ENTREP2: variants seen among roughly 807,000 people sequenced by gnomAD.
ENTREP2 encodes the protein endosomal transmembrane epsin interactor 2.
At chr15:29,245,033 A>C in the ENTREP2 span, among the ~76,000 whole-genome samples, 1 of 152,246 alleles carries the variant, frequency 6.6e-6, no homozygotes, top group Non-Finnish European at 1.5e-5. Flanking sequence ...AGATGTACAG[A>C]TACTGGAAAG....
the ENTREP2 span, among the ~76,000 whole-genome samples, chr15:29,271,643 C>G: frequency 6.6e-6 from 1 of 152,038 alleles, no homozygotes; most frequent in Admixed American, 6.6e-5. Context: ...CTCTGACCAC[C>G]GGTGCATGTA....
At chr15:29,600,632 T>G in the ENTREP2 span, among the ~76,000 whole-genome samples, 1 of 152,154 alleles carries the variant, frequency 6.6e-6, no homozygotes, top group Non-Finnish European at 1.5e-5. Flanking sequence ...TTGTATGACC[T>G]ATAATTTATT....
At chr15:29,644,408 C>T in the ENTREP2 span, among the ~76,000 whole-genome samples, 1 of 152,228 alleles carries the variant, frequency 6.6e-6, no homozygotes, top group East Asian at 1.9e-4. Context: ...GGCAGATTGC[C>T]AGTATATAAA....
the ENTREP2 span, among the ~76,000 whole-genome samples, chr15:29,336,464 C>T: frequency 6.6e-6 from 1 of 151,940 alleles, no homozygotes; most frequent in African/African-American, 2.4e-5. Context: ...GCACACACCA[C>T]CACATTCAGC....
At chr15:29,357,361 A>G in the ENTREP2 span, among the ~76,000 whole-genome samples, 3 of 152,230 alleles carry the variant, frequency 2.0e-5, no homozygotes, top group African/African-American at 4.8e-5. Flanking sequence ...AAAGATAACC[A>G]TAAGAAAAAT....
chr15:29,368,597 C>A, the ENTREP2 span, among the ~76,000 whole-genome samples: 1 of 151,948 alleles, frequency 6.6e-6, no homozygotes, highest in Non-Finnish European at 1.5e-5. Flanking sequence ...TAGGGCTGGG[C>A]ATGGTTGCTC....
the ENTREP2 span, among the ~76,000 whole-genome samples, chr15:29,385,755 C>A: frequency 1.8e-4 from 28 of 152,248 alleles, no homozygotes; most frequent in African/African-American, 6.7e-4. Flanking sequence ...AGGCCTGTGC[C>A]CATGGACCTA....
the ENTREP2 span, among the ~76,000 whole-genome samples, chr15:29,631,314 G>C: frequency 1.3e-5 from 2 of 152,188 alleles, no homozygotes; most frequent in African/African-American, 4.8e-5. Context: ...TTCCTGGCAT[G>C]ACAAGCGGTC....
the ENTREP2 span, among the ~76,000 whole-genome samples, chr15:29,461,676 T>C: frequency 6.6e-6 from 1 of 152,068 alleles, no homozygotes; most frequent in Admixed American, 6.6e-5. Context: ...GGTTTCACTA[T>C]CTTGGCCCTG....
chr15:29,386,036 C>T, the ENTREP2 span, among the ~76,000 whole-genome samples: 95 of 152,068 alleles, frequency 6.2e-4, no homozygotes, highest in Non-Finnish European at 1.0e-3. Context: ...GGGAAGACAC[C>T]TTCCCACTCC....
the ENTREP2 span, among the ~76,000 whole-genome samples, chr15:29,590,720 A>C: frequency 6.6e-6 from 1 of 151,686 alleles, no homozygotes; most frequent in Non-Finnish European, 1.5e-5. Context: ...AGAAAAAAAA[A>C]TACACTTGAA....
chr15:29,530,053 C>T, the ENTREP2 span, among the ~76,000 whole-genome samples: 1 of 152,150 alleles, frequency 6.6e-6, no homozygotes, highest in African/African-American at 2.4e-5. Context: ...AAGCCCAGGG[C>T]CCCTCGTGCT....
chr15:29,479,929 A>G, the ENTREP2 span, among the ~76,000 whole-genome samples: 1 of 152,078 alleles, frequency 6.6e-6, no homozygotes, highest in Admixed American at 6.6e-5. Flanking sequence ...GCCCAGGAAG[A>G]AAGGAAAAGC....
At chr15:29,286,757 G>A in the ENTREP2 span, among the ~76,000 whole-genome samples, 28 of 152,214 alleles carry the variant, frequency 1.8e-4, no homozygotes, top group Admixed American at 1.6e-3. Flanking sequence ...GAGTGAGGCC[G>A]TTTAGACCAT....
the ENTREP2 span, among the ~76,000 whole-genome samples, chr15:29,562,797 GT>G: frequency 6.6e-6 from 1 of 151,614 alleles, no homozygotes; most frequent in East Asian, 1.9e-4. Context: ...ATTTGTTTTT[GT>G]TTTTGTTTTT....
At chr15:29,126,218 A>C in the ENTREP2 span, 2 of 1,389,434 alleles carry the variant, frequency 1.4e-6, no homozygotes, top group Non-Finnish European at 1.9e-6. Flanking sequence ...GCAGCATCCA[A>C]GGAAAGCTGG....
chr15:29,628,161 G>A, the ENTREP2 span, among the ~76,000 whole-genome samples: 4 of 152,150 alleles, frequency 2.6e-5, no homozygotes, highest in Non-Finnish European at 5.9e-5. Flanking sequence ...CAATTTGGGA[G>A]GATAATAAGT....
At chr15:29,310,152 G>A in the ENTREP2 span, among the ~76,000 whole-genome samples, 8 of 152,166 alleles carry the variant, frequency 5.3e-5, 1 homozygote, top group Admixed American at 2.0e-4. Context: ...AATAAGTGGA[G>A]AAAAGGAGAT....
chr15:29,402,671 A>G, the ENTREP2 span, among the ~76,000 whole-genome samples: 18 of 152,324 alleles, frequency 1.2e-4, no homozygotes, highest in South Asian at 3.5e-3. Context: ...AAGAAGGAAA[A>G]GCAGGTTGCA....
Sources: gnomAD v4.1 joint callset for allele counts (sites outside exome capture counted in the v4.1 genomes callset) on GRCh38, gnomAD v4.1.1 for gene constraint, MANE v1.5 for transcripts, NCBI Gene and HGNC (gene_info 2026-07-23, HGNC 2026-07-21) for gene names.